FOXN1: variants seen among roughly 807,000 people sequenced by gnomAD.
FOXN1 encodes the protein forkhead box N1.
FOXN1 carries 15 observed loss-of-function variants against 49.0 expected under a neutral mutation model. That is an observed-to-expected ratio of 0.31 (90% CI 0.20 to 0.47). FOXN1 has a LOEUF of 0.47. Among genes scored for constraint, FOXN1 ranks in the 20% least tolerant of loss-of-function variants. The pLI is 1.00. For synonymous variants in FOXN1, 356 were observed against 369.0 expected (o/e 0.96, Z 0.40); for missense variants, 800 against 842.8 (o/e 0.95, Z 0.63).
rs1019651899 is a variant in FOXN1 at position 28,537,922 on chromosome 17, A to G, written c.*486A>G. ...CCCCCAGACCCCCATTCTGACATCC[A>G]CATGCTCTGCAGTCCTGGCCCCCTC... On this transcript the variant is annotated 3_prime_UTR_variant, in exon 9 of 9. Transcript: ENST00000579795. The G allele has an allele frequency of 8.2e-5, 16 of 194,932 alleles. No homozygotes were observed. Among genetic ancestry groups the G allele is most frequent in the African/African-American group, 3.9e-4 (15 of 38,764 alleles). 12.1% of individuals were successfully genotyped at this position (194,932 alleles called of 1,614,324 possible). A position where few individuals can be genotyped will look rare whatever the true frequency, so the allele number is the denominator to read the frequency against.
At chr17:28,527,975 GAA>G (rs1213530668) in intron 4 of FOXN1, among the ~76,000 whole-genome samples, 1 of 152,224 alleles carries the variant, frequency 6.6e-6, no homozygotes, top group East Asian at 1.9e-4. Flanking sequence ...AAAGGAGAAA[GAA>G]AAGAGCCCCA....
At chr17:28,526,061 T>G (rs1196710211) in intron 3 of FOXN1, among the ~76,000 whole-genome samples, 1 of 152,180 alleles carries the variant, frequency 6.6e-6, no homozygotes, top group Non-Finnish European at 1.5e-5. Context: ...CTGAGGCTCA[T>G]AGAGGCCAAG....
rs1390351192 is a variant in FOXN1 at position 28,524,637 on chromosome 17, C to A, written c.258C>A (p.Pro86=). 1.2e-6 allele frequency: 2 copies of A among 1,613,566 alleles called. No homozygotes were observed. Among genetic ancestry groups the A allele is most frequent in the South Asian group, 2.2e-5 (2 of 91,082 alleles). Reference sequence around the variant, plus strand: ...TCCAGGGCCACTGCCCAGCCGGCCCCGGCCCTGGGCCCTTCAGGCTCTCAC... The same window carrying A: ...TCCAGGGCCACTGCCCAGCCGGCCCAGGCCCTGGGCCCTTCAGGCTCTCAC... ...EQVQGHCPAG[P]GPGPFRLSPS... The change falls in exon 3 of 9, where the codon CCC becomes CCA. Residue 86 remains proline, a synonymous_variant. Transcript: ENST00000579795.
At chr17:28,526,812 C>T (rs2151489519) in intron 3 of FOXN1, among the ~76,000 whole-genome samples, 2 of 152,318 alleles carry the variant, frequency 1.3e-5, no homozygotes, top group Admixed American at 1.3e-4. Context: ...TACCCATGCT[C>T]CCCTCACCAT....
rs748685398 is a variant in FOXN1 at position 28,538,879 on chromosome 17, C to T, written c.*1443C>T. 3.3e-5 allele frequency: 5 copies of T among 152,252 alleles called. No individual in the cohort carries two copies. The highest frequency in any genetic ancestry group is 6.5e-5 in the Admixed American group (1 of 15,290). The allele number at this position is 152,252 out of a possible 1,614,324, so 9.4% of individuals were successfully genotyped here. ...TGTCCCCTGTCCTGGAACAATAAAG[C>T]AAGTGCCTTGTGGTCTCACTACCAA... On this transcript the variant is annotated 3_prime_UTR_variant, in exon 9 of 9. Transcript: ENST00000579795.
At chr17:28,528,686 G>T (rs1475375635) in intron 4 of FOXN1, among the ~76,000 whole-genome samples, 1 of 152,180 alleles carries the variant, frequency 6.6e-6, no homozygotes, top group Non-Finnish European at 1.5e-5. Flanking sequence ...ACTCATAAAA[G>T]GTGGCAGTGC....
At chr17:28,528,113 G>A (rs569784661) in intron 4 of FOXN1, among the ~76,000 whole-genome samples, 3 of 152,332 alleles carry the variant, frequency 2.0e-5, no homozygotes, top group East Asian at 1.9e-4. Context: ...TTCTGCACCC[G>A]GCTCTCTGGC....
intron 5 of FOXN1, among the ~76,000 whole-genome samples, chr17:28,530,237 T>C (rs938706970): frequency 6.6e-6 from 1 of 151,474 alleles, no homozygotes; most frequent in Admixed American, 6.6e-5. Flanking sequence ...AATGTCAGGG[T>C]TTGGGGTAGC....
At position 28,534,587 on chromosome 17, in the gene FOXN1, C is replaced by CA. The variant is rs373952661; in HGVS notation, c.1135+63dup. On this transcript the variant is annotated intron_variant, in intron 7 of 8. Coordinates refer to ENST00000579795, the MANE Select transcript of FOXN1 (RefSeq NM_001369369.1). The surrounding 1 kb of genome is among the most constrained non-coding windows in gnomAD (Gnocchi z 4.1). ...GGAAGGGCCCAGGGTACTCATGAGC[C>CA]AAAAAAAAAAAAAAGAGAGAATCAG... The CA allele has an allele frequency of 0.2, 287,221 of 1,434,146 alleles. 4,778 individuals are homozygous for CA. The highest frequency in any genetic ancestry group is 0.31 in the African/African-American group (20,415 of 65,730). 88.8% of individuals were successfully genotyped at this position (1,434,146 alleles called of 1,614,324 possible).
intron 1 of FOXN1, among the ~76,000 whole-genome samples, chr17:28,511,413 G>A (rs956800950): frequency 2.0e-5 from 3 of 152,148 alleles, no homozygotes; most frequent in African/African-American, 4.8e-5. Flanking sequence ...CCACTCAGGT[G>A]GACAGGCAAA....
At chr17:28,533,492 C>CCG (rs1555610632) in intron 6 of FOXN1, among the ~76,000 whole-genome samples, 1 of 151,128 alleles carries the variant, frequency 6.6e-6, no homozygotes, top group Non-Finnish European at 1.5e-5. Flanking sequence ...AGCACCCCCC[C>CCG]CCACTGCCTG....
At position 28,537,690 on chromosome 17, in the gene FOXN1, G is replaced by A. The variant is rs3744635; in HGVS notation, c.*254G>A. 49,663 of 591,614 alleles carry A rather than the reference G, an allele frequency of 0.084. 3,019 individuals are homozygous for A. Among genetic ancestry groups the A allele is most frequent in the African/African-American group, 0.24 (13,133 of 53,750 alleles). The allele number at this position is 591,614 out of a possible 1,614,324, so 36.6% of individuals were successfully genotyped here. The stretch of plus-strand genomic sequence containing the variant: ...CCAAAGAGCAAGCGTCTGGGCAAGA[G>A]GAAAATGCCCTGTCCCTAGCTCACA... On this transcript the variant is annotated 3_prime_UTR_variant, in exon 9 of 9. Coordinates refer to ENST00000579795, the MANE Select transcript of FOXN1 (RefSeq NM_001369369.1).
intron 6 of FOXN1, among the ~76,000 whole-genome samples, chr17:28,533,441 C>T (rs2069962797): frequency 6.6e-6 from 1 of 151,834 alleles, no homozygotes; most frequent in East Asian, 1.9e-4. Flanking sequence ...ACACTGGTGG[C>T]ATGACCAGGC....
At chr17:28,528,891 A>G (rs1191724670) in intron 4 of FOXN1, among the ~76,000 whole-genome samples, 1 of 152,172 alleles carries the variant, frequency 6.6e-6, no homozygotes, top group African/African-American at 2.4e-5. Flanking sequence ...GAGGGTTTTA[A>G]GGCCTCTGAG....
Position 28,537,702 on chromosome 17 carries a change from G to C in FOXN1, c.*266G>C. On this transcript the variant is annotated 3_prime_UTR_variant, in exon 9 of 9. Transcript: ENST00000579795. ...CGTCTGGGCAAGAGGAAAATGCCCTGTCCCTAGCTCACACTCATCCACACT... is the reference window on the plus strand; with the variant it reads ...CGTCTGGGCAAGAGGAAAATGCCCTCTCCCTAGCTCACACTCATCCACACT... The C allele has an allele frequency of 1.7e-6, 1 of 580,236 alleles. No homozygotes were observed. The highest frequency in any genetic ancestry group is 1.9e-5 in the South Asian group (1 of 51,396). 35.9% of individuals were successfully genotyped at this position (580,236 alleles called of 1,614,324 possible).
intron 6 of FOXN1, among the ~76,000 whole-genome samples, chr17:28,533,489 C>CCCCG (rs1336445574): frequency 5.3e-5 from 8 of 150,254 alleles, no homozygotes; most frequent in Non-Finnish European, 8.9e-5. Flanking sequence ...ACGAGCACCC[C>CCCCG]CCCCCACTGC....
chr17:28,533,817 A>G (rs951428634), intron 6 of FOXN1, among the ~76,000 whole-genome samples: 1 of 152,178 alleles, frequency 6.6e-6, no homozygotes, highest in African/African-American at 2.4e-5. Context: ...AACCTCGCCC[A>G]TCTTTCTTTT....
intron 1 of FOXN1, among the ~76,000 whole-genome samples, chr17:28,512,611 G>A (rs1473078452): frequency 6.6e-6 from 1 of 152,198 alleles, no homozygotes; most frequent in African/African-American, 2.4e-5. Context: ...TCTAGAACCT[G>A]GGGAAGGTGG....
At chr17:28,529,334 T>A in intron 5 of FOXN1, 110 bp downstream of exon 5, 2 of 1,354,338 alleles carry the variant, frequency 1.5e-6, no homozygotes, top group Non-Finnish European at 2.1e-6. Context: ...CAGGTGGAAA[T>A]CATACCAGTG....
Sources: allele counts gnomAD v4.1 joint callset (sites outside exome capture counted in the v4.1 genomes callset), GRCh38; gene constraint gnomAD v4.1.1; non-coding constraint Gnocchi (gnomAD v3.1); transcripts MANE v1.5; gene names NCBI Gene and HGNC (gene_info 2026-07-23, HGNC 2026-07-21).